ROR2: variants seen among roughly 807,000 people sequenced by gnomAD.
ROR2 encodes the protein ROR family WNT receptor 2.
A neutral mutation model predicts 74.9 loss-of-function variants in ROR2; 33 were observed. The ratio of observed to expected loss-of-function variants is 0.44; its 90% CI spans 0.33 to 0.59. The LOEUF is 0.59. ROR2 is among the 20% of genes least tolerant of loss of function. The pLI is 0.02. For synonymous variants in ROR2, 586 were observed against 558.7 expected (o/e 1.05, Z -0.69); for missense variants, 1,216 against 1,313.8 (o/e 0.93, Z 1.15).
chr9:91,848,972 C>A (rs981286043), intron 1 of ROR2, among the ~76,000 whole-genome samples: 76 of 152,132 alleles, frequency 5.0e-4, no homozygotes, highest in South Asian at 2.1e-4. Flanking sequence ...AGGACTCTTA[C>A]AATGGACTGC....
chr9:91,900,430 C>T (rs1228726900), intron 1 of ROR2, among the ~76,000 whole-genome samples: 1 of 152,232 alleles, frequency 6.6e-6, no homozygotes, highest in African/African-American at 2.4e-5. Flanking sequence ...GGTGGCGGCG[C>T]GGGGCAATCC....
chr9:91,846,927 A>G (rs997605795), intron 1 of ROR2, among the ~76,000 whole-genome samples: 1 of 152,170 alleles, frequency 6.6e-6, no homozygotes, highest in African/African-American at 2.4e-5. Context: ...AAGCGGCTAT[A>G]GACATGTTTA....
chr9:91,851,782 G>A (rs1829101362), intron 1 of ROR2, among the ~76,000 whole-genome samples: 1 of 152,032 alleles, frequency 6.6e-6, no homozygotes. Context: ...CCAGACCAGT[G>A]TGGCCAACAG....
At chr9:91,923,418 A>G (rs932205561) in intron 1 of ROR2, among the ~76,000 whole-genome samples, 3 of 152,200 alleles carry the variant, frequency 2.0e-5, no homozygotes, top group Non-Finnish European at 4.4e-5. Flanking sequence ...ATGGCTATCA[A>G]TTGGACGGTA....
At chr9:91,741,304 G>GAATAA in intron 4 of ROR2, among the ~76,000 whole-genome samples, 2 of 135,608 alleles carry the variant, frequency 1.5e-5, no homozygotes, top group South Asian at 2.4e-4. Flanking sequence ...GTCTCAAGTA[G>GAATAA]TAATAATAAT....
At chr9:91,839,097 A>G (rs567754674) in intron 1 of ROR2, among the ~76,000 whole-genome samples, 7 of 152,352 alleles carry the variant, frequency 4.6e-5, no homozygotes. Flanking sequence ...GGCACATAGC[A>G]ACACAAGCGT....
At chr9:91,820,445 C>T (rs1167845524) in intron 1 of ROR2, among the ~76,000 whole-genome samples, 3 of 152,198 alleles carry the variant, frequency 2.0e-5, no homozygotes, top group Admixed American at 1.3e-4. Flanking sequence ...AAGAGCCAGG[C>T]AGTCACCTCC....
At chr9:91,752,055 T>C (rs538471542) in intron 4 of ROR2, among the ~76,000 whole-genome samples, 6 of 152,356 alleles carry the variant, frequency 3.9e-5, no homozygotes, top group Non-Finnish European at 7.3e-5. Flanking sequence ...CTTGAATCAC[T>C]GCATACACCG....
chr9:91,860,695 G>T (rs747492725), intron 1 of ROR2, among the ~76,000 whole-genome samples: 1 of 152,306 alleles, frequency 6.6e-6, no homozygotes, highest in Middle Eastern at 3.4e-3. Context: ...AAGGCAAGAG[G>T]AGGGTGTCTC....
At chr9:91,839,751 G>A (rs1487745276) in intron 1 of ROR2, among the ~76,000 whole-genome samples, 3 of 151,490 alleles carry the variant, frequency 2.0e-5, no homozygotes, top group South Asian at 4.2e-4. Context: ...TGAGTGTGGC[G>A]TGCATACATG....
intron 1 of ROR2, among the ~76,000 whole-genome samples, chr9:91,797,070 C>A (rs1460078971): frequency 1.3e-5 from 1 of 77,296 alleles, no homozygotes; most frequent in Non-Finnish European, 2.6e-5. Context: ...GTGGGCGGGG[C>A]TGACACCCTG....
chr9:91,875,814 A>G (rs1345122624), intron 1 of ROR2, among the ~76,000 whole-genome samples: 1 of 152,186 alleles, frequency 6.6e-6, no homozygotes, highest in Non-Finnish European at 1.5e-5. Flanking sequence ...AGTGCCACTA[A>G]AAGATAAAGC....
At chr9:91,948,742 A>C in intron 1 of ROR2, 1 of 985,442 alleles carries the variant, frequency 1.0e-6, no homozygotes, top group Non-Finnish European at 1.2e-6. Context: ...GATGGGGGAT[A>C]CTGAAGCCCA....
At chr9:91,752,419 G>A (rs1031384228) in intron 4 of ROR2, among the ~76,000 whole-genome samples, 3 of 152,174 alleles carry the variant, frequency 2.0e-5, no homozygotes, top group African/African-American at 7.2e-5. Context: ...GTAACCTACT[G>A]ATACATGTAC....
chr9:91,834,795 C>T (rs146929115), intron 1 of ROR2, among the ~76,000 whole-genome samples: 1 of 152,332 alleles, frequency 6.6e-6, no homozygotes, highest in East Asian at 1.9e-4. Context: ...CCCATCTGCA[C>T]ACACACAGGT....
chr9:91,879,288 C>G lies in ROR2; in HGVS notation c.97+70579G>C, dbSNP rs1275295556. Among the ~76,000 whole-genome samples the G allele has an allele frequency of 2.0e-5, 3 of 152,110 alleles. 1 individual carries two copies. Among genetic ancestry groups the G allele is most frequent in the African/African-American group, 7.2e-5 (3 of 41,420 alleles). On this transcript the variant is annotated intron_variant, in intron 1 of 8. Transcript: ENST00000375708. ...CCACCTTGGTAGGGCCTTGGAGGTTCAGGGAAAGTGATGATGTCCTTATAA... is the reference window on the plus strand; with the variant it reads ...CCACCTTGGTAGGGCCTTGGAGGTTGAGGGAAAGTGATGATGTCCTTATAA...
chr9:91,841,587 T>C (rs1828782962), intron 1 of ROR2, among the ~76,000 whole-genome samples: 1 of 152,242 alleles, frequency 6.6e-6, no homozygotes, highest in Non-Finnish European at 1.5e-5. Context: ...GTGAGGTCTG[T>C]GAAAAAGTCT....
rs1176576351 is a variant in ROR2, at chr9:91,925,462, CTGTATG to C, written c.97+24399_97+24404del. Among the ~76,000 whole-genome samples the C allele has an allele frequency of 9.3e-4, 117 of 126,160 alleles. 1 individual carries two copies. Among genetic ancestry groups the C allele is most frequent in the African/African-American group, 3.8e-3 (115 of 30,220 alleles). 82.8% of individuals were successfully genotyped at this position (126,160 alleles called of 152,430 possible). A position where few individuals can be genotyped will look rare whatever the true frequency, so the allele number is the denominator to read the frequency against. ...CACCCCTGACAATGCTGTCAGCTGC[CTGTATG>C]TGTGTGTGTGTGTGTGTGTGTGTGT... On this transcript the variant is annotated intron_variant, in intron 1 of 8. Coordinates refer to ENST00000375708, the MANE Select transcript of ROR2 (RefSeq NM_004560.4).
At chr9:91,898,408 G>A (rs553747017) in intron 1 of ROR2, among the ~76,000 whole-genome samples, 39 of 152,260 alleles carry the variant, frequency 2.6e-4, no homozygotes, top group Middle Eastern at 6.8e-3. Flanking sequence ...CCGTTTCAGA[G>A]ATGGACATTT....
Sources: allele counts gnomAD v4.1 joint callset (sites outside exome capture counted in the v4.1 genomes callset), GRCh38; gene constraint gnomAD v4.1.1; transcripts MANE v1.5; gene names NCBI Gene and HGNC (gene_info 2026-07-23, HGNC 2026-07-21).